Variants in UBE3C observed in about 807,000 individuals in gnomAD.
The protein encoded by UBE3C is ubiquitin protein ligase E3C.
Under a neutral mutation model 129.4 loss-of-function variants are expected in UBE3C, and 42 were observed. That is an observed-to-expected ratio of 0.32 (90% CI 0.25 to 0.42). UBE3C has a LOEUF of 0.42. Among genes scored for constraint, UBE3C ranks in the 10% least tolerant of loss-of-function variants. The pLI, the probability that UBE3C is intolerant of heterozygous loss-of-function variation, is 1.00. For synonymous variants in UBE3C, 510 were observed against 492.4 expected (o/e 1.04, Z -0.47); for missense variants, 1,049 against 1,319.1 (o/e 0.80, Z 3.17).
intron 1 of UBE3C, among the ~76,000 whole-genome samples, chr7:157,155,518 G>GT (rs1807879042): frequency 1.3e-5 from 2 of 152,130 alleles, no homozygotes; most frequent in South Asian, 4.1e-4. Flanking sequence ...TCTTTTGGAA[G>GT]TTACTTAAAT....
chr7:157,169,623 G>T (rs748111286), intron 3 of UBE3C, among the ~76,000 whole-genome samples: 2 of 152,126 alleles, frequency 1.3e-5, no homozygotes, highest in Non-Finnish European at 1.5e-5. Context: ...TGATTCGCCT[G>T]CCTTGGCCTC....
chr7:157,155,415 TCA>T (rs771065499), intron 1 of UBE3C, among the ~76,000 whole-genome samples: 2 of 152,136 alleles, frequency 1.3e-5, no homozygotes, highest in Non-Finnish European at 2.9e-5. Context: ...AACAAAAACC[TCA>T]CAGTTTTTTG....
At chr7:157,227,323 A>G (rs903597029) in intron 17 of UBE3C, among the ~76,000 whole-genome samples, 5 of 151,510 alleles carry the variant, frequency 3.3e-5, no homozygotes, top group African/African-American at 1.2e-4. Context: ...GGTCAGGGGT[A>G]CTTGCAAGTG....
chr7:157,234,364 G>A (rs540359439), intron 18 of UBE3C, among the ~76,000 whole-genome samples: 3 of 152,210 alleles, frequency 2.0e-5, no homozygotes, highest in African/African-American at 4.8e-5. Flanking sequence ...GTATGAGTTA[G>A]GCATCCTCAT....
chr7:157,159,657 C>T (rs1050179975), intron 1 of UBE3C, among the ~76,000 whole-genome samples: 1 of 152,168 alleles, frequency 6.6e-6, no homozygotes, highest in Non-Finnish European at 1.5e-5. Flanking sequence ...CACTTGAGGT[C>T]AGGAGTTTGA....
intron 12 of UBE3C, 69 bp downstream of exon 12, chr7:157,207,624 G>C (rs1809470265): frequency 1.3e-6 from 2 of 1,586,536 alleles, no homozygotes; most frequent in Non-Finnish European, 1.7e-6. Flanking sequence ...CAGTAGAAAA[G>C]TTTTAAGCTT....
intron 10 of UBE3C, chr7:157,192,810 T>A: frequency 7.7e-7 from 1 of 1,298,612 alleles, no homozygotes; most frequent in Non-Finnish European, 1.1e-6. Context: ...GACTACTGCT[T>A]CAACAAACCA....
At position 157,267,674 on chromosome 7, in the gene UBE3C, C is replaced by T. The variant is rs750685731; in HGVS notation, c.3171C>T (p.Leu1057=). 19 of 1,613,640 alleles carry T rather than the reference C, an allele frequency of 1.2e-5. No individual in the cohort carries two copies. In the Admixed American group the frequency reaches 2.3e-4, roughly 20 times the overall value. Residue 1057 remains leucine (L), a synonymous_variant, in exon 23 of 23, where the codon CTC becomes CTT. Coordinates refer to ENST00000348165, the MANE Select transcript of UBE3C (RefSeq NM_014671.3). ...TASTCMNLLK[L]PEFYDETLLR... Reference sequence around the variant, plus strand: ...GCACCTGCATGAACCTGCTGAAGCTCCCCGAGTTCTATGACGAGACACTTT... The same window carrying T: ...GCACCTGCATGAACCTGCTGAAGCTTCCCGAGTTCTATGACGAGACACTTT...
chr7:157,159,454 AG>A (rs1489696612), intron 1 of UBE3C, among the ~76,000 whole-genome samples: 1 of 152,234 alleles, frequency 6.6e-6, no homozygotes, highest in Non-Finnish European at 1.5e-5. Flanking sequence ...ACCAAGTAAA[AG>A]GACACATTCA....
At chr7:157,187,134 G>A (rs1016529829) in intron 10 of UBE3C, 113 bp downstream of exon 10, 40 of 1,254,958 alleles carry the variant, frequency 3.2e-5, no homozygotes, top group Non-Finnish European at 4.3e-5. Flanking sequence ...AGAGATTGAT[G>A]TAGGATATTC....
chr7:157,144,047 A>G (rs780064404), intron 1 of UBE3C, among the ~76,000 whole-genome samples: 4 of 152,196 alleles, frequency 2.6e-5, no homozygotes, highest in Admixed American at 6.5e-5. Flanking sequence ...GGAGCTGGGA[A>G]GAATTGGGTG....
intron 10 of UBE3C, among the ~76,000 whole-genome samples, chr7:157,190,906 G>A (rs1333194310): frequency 6.6e-6 from 1 of 151,968 alleles, no homozygotes; most frequent in African/African-American, 2.4e-5. Context: ...ATGGTGTTTC[G>A]TGCCCCTTTC....
intron 18 of UBE3C, among the ~76,000 whole-genome samples, chr7:157,233,418 AC>A (rs1452388975): frequency 6.6e-6 from 1 of 152,018 alleles, no homozygotes; most frequent in Non-Finnish European, 1.5e-5. Flanking sequence ...AGCTGGGACC[AC>A]CGTTGCTTGC....
intron 13 of UBE3C, among the ~76,000 whole-genome samples, chr7:157,211,054 T>C (rs1442948011): frequency 1.3e-5 from 2 of 152,182 alleles, no homozygotes; most frequent in South Asian, 4.1e-4. Context: ...TGTTTTGAGA[T>C]GTCTGTGTGC....
chr7:157,218,182 A>T (rs1008728671), intron 14 of UBE3C, among the ~76,000 whole-genome samples: 4 of 152,322 alleles, frequency 2.6e-5, no homozygotes, highest in South Asian at 2.1e-4. Flanking sequence ...GCGGTGGCTC[A>T]TGCCTGTAAT....
At chr7:157,209,231 G>C (rs182147247) in intron 13 of UBE3C, among the ~76,000 whole-genome samples, 1 of 152,264 alleles carries the variant, frequency 6.6e-6, no homozygotes, top group South Asian at 2.1e-4. Flanking sequence ...TCTCCAGCCC[G>C]TTCTGCCTGG....
At chr7:157,219,224 C>T (rs1385909756) in intron 14 of UBE3C, among the ~76,000 whole-genome samples, 2 of 152,216 alleles carry the variant, frequency 1.3e-5, no homozygotes, top group Non-Finnish European at 2.9e-5. Context: ...AGCTGCACCT[C>T]TTCCTTACTC....
At chr7:157,159,333 A>G (rs1050147781) in intron 1 of UBE3C, among the ~76,000 whole-genome samples, 3 of 152,032 alleles carry the variant, frequency 2.0e-5, no homozygotes, top group African/African-American at 7.3e-5. Flanking sequence ...TTAAAAAAAA[A>G]AAACAGAATT....
intron 1 of UBE3C, among the ~76,000 whole-genome samples, chr7:157,139,591 C>T (rs1350289797): frequency 1.3e-5 from 2 of 152,194 alleles, no homozygotes; most frequent in Non-Finnish European, 2.9e-5. Flanking sequence ...TCGGGGCCTC[C>T]CTGGCTGGAA....
Sources: gnomAD v4.1 joint callset for allele counts (sites outside exome capture counted in the v4.1 genomes callset) on GRCh38, gnomAD v4.1.1 for gene constraint, MANE v1.5 for transcripts, NCBI Gene and HGNC (gene_info 2026-07-23, HGNC 2026-07-21) for gene names.